The following TACC2 variants were observed in gnomAD, a reference collection of about 807,000 sequenced individuals.
TACC2 encodes the protein transforming acidic coiled-coil containing protein 2.
In TACC2, 137 loss-of-function variants were observed where a neutral mutation model predicts 227.3. That is an observed-to-expected ratio of 0.60 (90% confidence interval 0.52 to 0.69). The LOEUF (loss-of-function observed/expected upper bound fraction) is 0.69. Ranked by LOEUF, TACC2 falls within the 30% of genes least tolerant of loss-of-function variation. TACC2 has a pLI of 0.00. For synonymous variants in TACC2, 1,523 were observed against 1,487.5 expected, an observed-to-expected ratio of 1.02 and a Z score of -0.55; for missense variants, 3,470 against 3,694.4, an observed-to-expected ratio of 0.94 and a Z score of 1.57.
intron 1 of TACC2, among the ~76,000 whole-genome samples, chr10:122,019,469 T>A (rs1021872379): frequency 6.6e-6 from 1 of 152,074 alleles, no homozygotes; most frequent in Admixed American, 6.6e-5. Flanking sequence ...AAGAGAGAAG[T>A]GAGAGGTTCC....
intron 7 of TACC2, among the ~76,000 whole-genome samples, chr10:122,158,461 A>G (rs1235859341): frequency 6.6e-6 from 1 of 152,112 alleles, no homozygotes; most frequent in East Asian, 1.9e-4. Context: ...GTGTTTACTG[A>G]CTTCTTTTCT....
intron 7 of TACC2, among the ~76,000 whole-genome samples, chr10:122,187,979 A>G (rs534215710): frequency 6.6e-6 from 1 of 151,994 alleles, no homozygotes; most frequent in African/African-American, 2.4e-5. Flanking sequence ...CCTGTAGTAG[A>G]CTATGGTTGT....
intron 2 of TACC2, among the ~76,000 whole-genome samples, chr10:122,043,443 C>A (rs1322674037): frequency 2.8e-5 from 3 of 106,116 alleles, no homozygotes; most frequent in East Asian, 2.6e-4. Context: ...AATTAGATTT[C>A]TTTCTTTCTT....
Position 122,149,259 on chromosome 10 carries a change from G to A in TACC2, c.5834+5553G>A, listed in dbSNP as rs1005654925. On this transcript the variant is annotated intron_variant, in intron 7 of 22. Coordinates refer to ENST00000369005, the MANE Select transcript of TACC2 (RefSeq NM_206862.4). ...GAGTTGGCCTCTCACTCCCTGCTGC[G>A]GACAGCTGTCCCCTAGGAATTGGTG... 2.6e-5 allele frequency among the ~76,000 whole-genome samples: 4 copies of A among 152,300 alleles called. No individual in the cohort carries two copies. The South Asian group carries it at 8.3e-4, about 32-fold the overall frequency.
chr10:122,132,459 G>A (rs1252809916), intron 5 of TACC2, 150 bp from the exon 6 acceptor site: 14 of 884,516 alleles, frequency 1.6e-5, no homozygotes, highest in Admixed American at 1.3e-4. Context: ...CAAGGGAGGA[G>A]AATTGCCTGT....
At chr10:122,097,537 G>A (rs1177179416) in intron 5 of TACC2, among the ~76,000 whole-genome samples, 2 of 151,978 alleles carry the variant, frequency 1.3e-5, no homozygotes, top group African/African-American at 2.4e-5. Flanking sequence ...AGAAGAGCGG[G>A]GCTCTGAAGT....
intron 18 of TACC2, among the ~76,000 whole-genome samples, chr10:122,240,392 G>A (rs1451258735): frequency 6.6e-6 from 1 of 152,150 alleles, no homozygotes; most frequent in Non-Finnish European, 1.5e-5. Context: ...ACCTTTCTTG[G>A]GAGTCCATTC....
In TACC2 at chr10:122,086,145, T is replaced by A; in HGVS notation, c.3645T>A (p.Ala1215=). ...RSTMDFSTHQ[A]VPDPKELLLS... ...CCATGGATTTTTCTACACACCAGGC[T>A]GTCCCAGACCCAAAGGAGCTCCTGC... Residue 1215 remains alanine, a synonymous_variant, in exon 4 of 23, where the codon GCT becomes GCA. Coordinates refer to ENST00000369005, the MANE Select transcript of TACC2 (RefSeq NM_206862.4). The A allele has an allele frequency of 6.2e-7, 1 of 1,613,628 alleles. No individual in the cohort carries two copies. The highest frequency in any genetic ancestry group is 8.5e-7 in the Non-Finnish European group (1 of 1,179,974).
In TACC2 at chr10:122,086,166, C is replaced by T. The variant is rs527457428; in HGVS notation, c.3666C>T (p.Leu1222=). ...AGGCTGTCCCAGACCCAAAGGAGCT[C>T]CTGCTGTCTGGGCCACCAGAAGTGG... ...THQAVPDPKE[L]LLSGPPEVAA... The change falls in exon 4 of 23, where the codon CTC becomes CTT. Residue 1222 remains leucine, a synonymous_variant. Coordinates refer to ENST00000369005, the MANE Select transcript of TACC2 (RefSeq NM_206862.4). 1.2e-6 allele frequency: 2 copies of T among 1,613,774 alleles called. No individual in the cohort carries two copies. The highest frequency in any genetic ancestry group is 1.3e-5 in the African/African-American group (1 of 75,062).
At chr10:122,224,903 A>ACACAGCTTCCCGGGTG in intron 12 of TACC2, 116 bp downstream of exon 12, 1 of 840,710 alleles carries the variant, frequency 1.2e-6, no homozygotes, top group African/African-American at 1.7e-5. Flanking sequence ...TTTTCTGTGT[A>ACACAGCTTCCCGGGTG]CACAGCTTCC....
intron 3 of TACC2, among the ~76,000 whole-genome samples, chr10:122,077,982 G>A (rs919173405): frequency 2.0e-5 from 3 of 152,036 alleles, no homozygotes; most frequent in African/African-American, 7.2e-5. Context: ...ATCACCTGAA[G>A]TCAGGAGTTA....
chr10:122,158,007 C>G (rs780106026), intron 7 of TACC2, among the ~76,000 whole-genome samples: 1 of 150,368 alleles, frequency 6.7e-6, no homozygotes, highest in Non-Finnish European at 1.5e-5. Flanking sequence ...GGGGACTGGC[C>G]TTCCTCCCTC....
chr10:122,105,877 C>T (rs889997156), intron 5 of TACC2, among the ~76,000 whole-genome samples: 1 of 151,882 alleles, frequency 6.6e-6, no homozygotes, highest in African/African-American at 2.4e-5. Flanking sequence ...CCCGCCGCAG[C>T]CTCCCAAAGT....
At chr10:122,217,485 C>T (rs2095433788) in intron 11 of TACC2, among the ~76,000 whole-genome samples, 1 of 123,496 alleles carries the variant, frequency 8.1e-6, no homozygotes. Context: ...CTTGTCCAGG[C>T]TGGACTGCAG....
chr10:122,051,844 G>T (rs2075738284), intron 3 of TACC2: 1 of 148,322 alleles, frequency 6.7e-6, no homozygotes, highest in African/African-American at 2.5e-5. Flanking sequence ...CATGCCTGGG[G>T]CATGGAAGTG....
chr10:122,047,942 G>A (rs1383230467), intron 2 of TACC2, among the ~76,000 whole-genome samples: 1 of 152,144 alleles, frequency 6.6e-6, no homozygotes, highest in Non-Finnish European at 1.5e-5. Context: ...CATCTTTTAT[G>A]TTTTACCTTT....
In TACC2 at chr10:122,210,844, C is replaced by T. The variant is rs1358270530; in HGVS notation, c.6419C>T (p.Thr2140Ile). ...PRPPSLKKKQ[T>I]TKKPTETPPV... ...CCGCCTTCCTTAAAAAAGAAACAGA[C>T]CACCAAGAAACCCACAGAGACCCCC... Residue 2140 changes from threonine to isoleucine, a missense_variant, in exon 9 of 23, where the codon ACC (threonine) becomes ATC (isoleucine). Coordinates refer to ENST00000369005, the MANE Select transcript of TACC2 (RefSeq NM_206862.4). This position sits in a 1 kb window ranked among gnomAD's most constrained non-coding sequence, Gnocchi z 4.6. The T allele has an allele frequency of 6.2e-7, 1 of 1,612,180 alleles. No homozygotes were observed. The highest frequency in any genetic ancestry group is 1.3e-5 in the African/African-American group (1 of 74,688).
At chr10:122,154,786 G>A (rs2092351724) in intron 7 of TACC2, among the ~76,000 whole-genome samples, 1 of 152,198 alleles carries the variant, frequency 6.6e-6, no homozygotes, top group Non-Finnish European at 1.5e-5. Flanking sequence ...TTGCAAACAC[G>A]CATGCAGGCG....
chr10:122,143,641 C>A lies in TACC2; in HGVS notation c.5769C>A (p.Ala1923=). The change falls in exon 7 of 23, where the codon GCC becomes GCA. Residue 1923 remains alanine (A), a synonymous_variant. Coordinates refer to ENST00000369005, the MANE Select transcript of TACC2 (RefSeq NM_206862.4). ...CAGAACACATAGTTTCGCCATCTGC[C>A]CCAGCTGGTGACAGAGTAGAAGCTT... The part of the protein sequence containing the change: ...SAAEHIVSPS[A]PAGDRVEAST... 6.2e-7 allele frequency: 1 copy of A among 1,614,126 alleles called. No individual in the cohort carries two copies. The highest frequency in any genetic ancestry group is 8.5e-7 in the Non-Finnish European group (1 of 1,179,998).
Sources: allele counts gnomAD v4.1 joint callset (sites outside exome capture counted in the v4.1 genomes callset), GRCh38; gene constraint gnomAD v4.1.1; non-coding constraint Gnocchi (gnomAD v3.1); transcripts MANE v1.5; gene names NCBI Gene and HGNC (gene_info 2026-07-23, HGNC 2026-07-21).